Variants in GNA11 observed in about 807,000 individuals in gnomAD.
The protein encoded by GNA11 is guanine nucleotide-binding protein subunit alpha-11.
GNA11 carries 8 observed loss-of-function variants against 38.2 expected under a neutral mutation model. The observed-to-expected ratio is 0.21, with a 90% CI of 0.12 to 0.38. The LOEUF (loss-of-function observed/expected upper bound fraction) is 0.38, where lower values mean the gene tolerates loss of function less well. GNA11 is among the 10% of genes least tolerant of loss of function. The pLI, the probability that GNA11 is intolerant of heterozygous loss-of-function variation, is 1.00. For missense variants in GNA11, 268 were observed against 516.3 expected, an observed-to-expected ratio of 0.52 and a Z score of 4.66; for synonymous variants, 211 against 221.4, an observed-to-expected ratio of 0.95 and a Z score of 0.42.
At chr19:3,112,795 C>T (rs10413217) in intron 2 of GNA11, among the ~76,000 whole-genome samples, 39,596 of 152,146 alleles carry the variant, frequency 0.26, 5,529 homozygotes, top group Middle Eastern at 0.34. Context: ...ATTTTTCGGA[C>T]GAAAGAGAGA....
At chr19:3,099,193 C>T (rs1264274274) in intron 1 of GNA11, among the ~76,000 whole-genome samples, 1 of 152,092 alleles carries the variant, frequency 6.6e-6, no homozygotes, top group African/African-American at 2.4e-5. Flanking sequence ...TGGAGTCGGA[C>T]GGATCTTAGA....
chr19:3,120,012 G>T lies in GNA11; in HGVS notation c.889+653G>T, dbSNP rs972668490. ...GGTGTTGTGTGCCCTCGTCTGTGTG[G>T]TCAGTGGCTGCCGTTAGTGCTGTCA... On this transcript the variant is annotated intron_variant, in intron 6 of 6. Transcript: ENST00000078429. This position sits in a 1 kb window ranked among gnomAD's most constrained non-coding sequence, Gnocchi z 5.9. 2.0e-5 allele frequency among the ~76,000 whole-genome samples: 3 copies of T among 152,052 alleles called. No homozygotes were observed. Among genetic ancestry groups the T allele is most frequent in the African/African-American group, 7.2e-5 (3 of 41,400 alleles).
chr19:3,114,584 T>C (rs1913858648), intron 3 of GNA11, among the ~76,000 whole-genome samples: 1 of 152,118 alleles, frequency 6.6e-6, no homozygotes, highest in South Asian at 2.1e-4. Context: ...CAGCCAGGCC[T>C]CTCTCGGGAA....
At position 3,103,037 on chromosome 19, in the gene GNA11, T is replaced by C. The variant is rs116807550; in HGVS notation, c.137-7112T>C. Among the ~76,000 whole-genome samples the C allele has an allele frequency of 6.3e-3, 962 of 152,226 alleles. 10 individuals carry two copies. Among genetic ancestry groups the C allele is most frequent in the African/African-American group, 0.022 (911 of 41,534 alleles). On this transcript the variant is annotated intron_variant, in intron 1 of 6. Transcript: ENST00000078429. The stretch of plus-strand genomic sequence containing the variant: ...GCAGCCTGGTGGGGGCTTCCTGGCT[T>C]CTCGGCCCACATCTCACAGTCTTGG...
At position 3,095,525 on chromosome 19, in the gene GNA11, C is replaced by A. The variant is rs1294884438; in HGVS notation, c.136+738C>A. Among the ~76,000 whole-genome samples, 4 of 151,966 alleles carry A rather than the reference C, an allele frequency of 2.6e-5. No homozygotes were observed. The East Asian group carries it at 5.8e-4, about 22-fold the overall frequency. On this transcript the variant is annotated intron_variant, in intron 1 of 6. Transcript: ENST00000078429. ...TACCCTCCATGCAGGCCCTGTACACCCCCCCATCCCCCCGAAGACTCCTCC... is the reference window on the plus strand; with the variant it reads ...TACCCTCCATGCAGGCCCTGTACACACCCCCATCCCCCCGAAGACTCCTCC...
At chr19:3,101,501 C>A (rs1242847545) in intron 1 of GNA11, among the ~76,000 whole-genome samples, 2 of 152,330 alleles carry the variant, frequency 1.3e-5, no homozygotes, top group East Asian at 1.9e-4. Flanking sequence ...CCACTGGATG[C>A]GGCGAGGGTT....
intron 3 of GNA11, among the ~76,000 whole-genome samples, chr19:3,114,197 T>C (rs1913849733): frequency 6.6e-6 from 1 of 152,024 alleles, no homozygotes; most frequent in Admixed American, 6.5e-5. Flanking sequence ...AACCAAGCAC[T>C]TGGAACAAAA....
At chr19:3,113,161 C>G (rs973254429) in intron 2 of GNA11, among the ~76,000 whole-genome samples, 169 bp from the exon 3 acceptor site, 1 of 152,250 alleles carries the variant, frequency 6.6e-6, no homozygotes, top group African/African-American at 2.4e-5. Flanking sequence ...GCCAGGCGGC[C>G]TCGCGTTTTT....
At chr19:3,115,892 A>C (rs1329806812) in intron 4 of GNA11, among the ~76,000 whole-genome samples, 1 of 47,426 alleles carries the variant, frequency 2.1e-5, no homozygotes, top group Non-Finnish European at 4.2e-5. Context: ...GAGGGGTCAT[A>C]GGGGCCGAGG....
chr19:3,116,631 C>T (rs534865202), intron 4 of GNA11, among the ~76,000 whole-genome samples: 1 of 152,266 alleles, frequency 6.6e-6, no homozygotes, highest in Non-Finnish European at 1.5e-5. Context: ...GACATCCGCA[C>T]AGACCCTGTT....
At chr19:3,112,653 C>T (rs1443423724) in intron 2 of GNA11, among the ~76,000 whole-genome samples, 3 of 152,264 alleles carry the variant, frequency 2.0e-5, no homozygotes, top group Non-Finnish European at 2.9e-5. Flanking sequence ...TGCCACCCGC[C>T]GCCCAGGGTT....
chr19:3,115,128 G>T, intron 4 of GNA11, 56 bp downstream of exon 4: 2 of 1,582,030 alleles, frequency 1.3e-6, no homozygotes, highest in Non-Finnish European at 1.7e-6. Context: ...CATTTGCCCG[G>T]TGTGCCGGCT....
At position 3,094,765 on chromosome 19, in the gene GNA11, C is replaced by G. The variant is rs1212022673; in HGVS notation, c.114C>G (p.Arg38=). 6.3e-7 allele frequency: 1 copy of G among 1,586,434 alleles called. No homozygotes were observed. The highest frequency in any genetic ancestry group is 1.7e-5 in the Admixed American group (1 of 57,976). The stretch of plus-strand genomic sequence containing the variant: ...GGCGGGACAAGCGCGACGCCCGGCG[C>G]GAGCTCAAGCTGCTGCTGCTCGGTG... ...QLRRDKRDAR[R]ELKLLLLGTG... The change falls in exon 1 of 7, where the codon CGC becomes CGG. Residue 38 remains arginine, a synonymous_variant. Transcript: ENST00000078429. The surrounding 1 kb of genome is among the most constrained non-coding windows in gnomAD (Gnocchi z 6.0).
At chr19:3,097,092 G>A (rs1913390125) in intron 1 of GNA11, among the ~76,000 whole-genome samples, 1 of 152,166 alleles carries the variant, frequency 6.6e-6, no homozygotes, top group East Asian at 1.9e-4. Flanking sequence ...CTGCTTGTGG[G>A]AACTCATTCC....
At position 3,106,427 on chromosome 19, in the gene GNA11, G is replaced by A. The variant is rs180973327; in HGVS notation, c.137-3722G>A. 9.3e-4 allele frequency among the ~76,000 whole-genome samples: 141 copies of A among 152,366 alleles called. 1 individual carries two copies. The highest frequency in any genetic ancestry group is 3.3e-3 in the African/African-American group (137 of 41,584). On this transcript the variant is annotated intron_variant, in intron 1 of 6. Coordinates refer to ENST00000078429, the MANE Select transcript of GNA11 (RefSeq NM_002067.5). ...AATGTAGTCACGTTGCCTGGCTTGAGTGCTGTCCAGAGCCTCGCCCTTGGC... is the reference window on the plus strand; with the variant it reads ...AATGTAGTCACGTTGCCTGGCTTGAATGCTGTCCAGAGCCTCGCCCTTGGC...
chr19:3,116,989 G>C (rs1158460430), intron 4 of GNA11, among the ~76,000 whole-genome samples: 1 of 152,110 alleles, frequency 6.6e-6, no homozygotes, highest in African/African-American at 2.4e-5. Flanking sequence ...GGGAGGATGC[G>C]GCGTGAAGAT....
chr19:3,111,191 A>G (rs1448700204), intron 2 of GNA11, among the ~76,000 whole-genome samples: 2 of 151,844 alleles, frequency 1.3e-5, no homozygotes, highest in African/African-American at 2.4e-5. Context: ...TTCACATTCT[A>G]TGCACTTCAC....
rs527567890 is a variant in GNA11 at position 3,111,488 on chromosome 19, T to C, written c.321+1155T>C. On this transcript the variant is annotated intron_variant, in intron 2 of 6. Coordinates refer to ENST00000078429, the MANE Select transcript of GNA11 (RefSeq NM_002067.5). Reference sequence around the variant, plus strand: ...CAAGGTGCATCCACACAGTGGCCTGTGTCAGAGCCTCGTCCCTGTTCATGG... The same window carrying C: ...CAAGGTGCATCCACACAGTGGCCTGCGTCAGAGCCTCGTCCCTGTTCATGG... Among the ~76,000 whole-genome samples the C allele has an allele frequency of 3.9e-5, 6 of 152,358 alleles. No individual in the cohort carries two copies. The East Asian group carries it at 1.2e-3, about 29-fold the overall frequency.
At position 3,121,354 on chromosome 19, in the gene GNA11, G is replaced by A. The variant is rs1448785489; in HGVS notation, c.*175G>A. 3.5e-6 allele frequency: 2 copies of A among 566,290 alleles called. No individual in the cohort carries two copies. Among genetic ancestry groups the A allele is most frequent in the Middle Eastern group, 4.6e-4 (1 of 2,184 alleles). The allele number at this position is 566,290 out of a possible 1,614,324, so 35.1% of individuals were successfully genotyped here. On this transcript the variant is annotated 3_prime_UTR_variant, in exon 7 of 7. Transcript: ENST00000078429. The stretch of plus-strand genomic sequence containing the variant: ...GGTTTTTATTTCACAGTTATCAGGG[G>A]ATGTACATCTCTCCCTCCGTACACT...
Sources: allele counts gnomAD v4.1 joint callset (sites outside exome capture counted in the v4.1 genomes callset), GRCh38; gene constraint gnomAD v4.1.1; non-coding constraint Gnocchi (gnomAD v3.1); transcripts MANE v1.5; gene names NCBI Gene and HGNC (gene_info 2026-07-23, HGNC 2026-07-21).